NPAS2: variants seen among roughly 807,000 people sequenced by gnomAD.
The protein encoded by NPAS2 is neuronal PAS domain protein 2.
In NPAS2, 23 loss-of-function variants were observed where a neutral mutation model predicts 107.5. The observed-to-expected ratio is 0.21, with a 90% confidence interval of 0.15 to 0.30. The LOEUF (loss-of-function observed/expected upper bound fraction) is 0.30, where lower values mean the gene tolerates loss of function less well. Among genes scored for constraint, NPAS2 ranks in the 10% least tolerant of loss-of-function variants. NPAS2 has a pLI of 1.00. For synonymous variants in NPAS2, 403 were observed against 417.5 expected, an observed-to-expected ratio of 0.97 and a Z score of 0.42; for missense variants, 756 against 1,043.3, an observed-to-expected ratio of 0.72 and a Z score of 3.79.
chr2:100,960,040 C>A (rs79952714), intron 7 of NPAS2, among the ~76,000 whole-genome samples: 2 of 152,284 alleles, frequency 1.3e-5, no homozygotes, highest in East Asian at 3.9e-4. Flanking sequence ...TTCTCCTCAT[C>A]ATGGCTGATT....
chr2:100,865,028 C>T lies in NPAS2; in HGVS notation c.-22-39705C>T, dbSNP rs772753916. Among the ~76,000 whole-genome samples, 21 of 152,260 alleles carry T rather than the reference C, an allele frequency of 1.4e-4. No homozygotes were observed. In the South Asian group the frequency reaches 3.5e-3, roughly 26 times the overall value. On this transcript the variant is annotated intron_variant, in intron 1 of 20. Transcript: ENST00000335681. ...CCAGCTTCACAGAAGGCAAATATCACGTGCCAGTGTCCTCTGGGAAACTCC... is the reference window on the plus strand; with the variant it reads ...CCAGCTTCACAGAAGGCAAATATCATGTGCCAGTGTCCTCTGGGAAACTCC...
chr2:100,951,372 A>G (rs1329992132), intron 7 of NPAS2, among the ~76,000 whole-genome samples: 3 of 152,216 alleles, frequency 2.0e-5, no homozygotes, highest in Non-Finnish European at 4.4e-5. Flanking sequence ...AACTTGAGAG[A>G]TATTTGCACA....
intron 1 of NPAS2, among the ~76,000 whole-genome samples, chr2:100,886,852 G>A (rs565421004): frequency 1.8e-4 from 27 of 152,316 alleles, no homozygotes; most frequent in African/African-American, 6.3e-4. Flanking sequence ...TCTTAAAAAT[G>A]CCAAAGACAA....
intron 11 of NPAS2, 131 bp from the exon 12 acceptor site, chr2:100,970,859 C>T (rs540846516): frequency 5.9e-6 from 4 of 681,814 alleles, no homozygotes; most frequent in Admixed American, 5.2e-5. Flanking sequence ...AGGCTAGGCT[C>T]CTCTGTGTTG....
chr2:100,820,991 G>A lies in NPAS2; in HGVS notation c.-23+577G>A. The A allele has an allele frequency of 7.9e-7, 1 of 1,260,236 alleles. No homozygotes were observed. Among genetic ancestry groups the A allele is most frequent in the African/African-American group, 1.6e-5 (1 of 64,148 alleles). 78.1% of individuals were successfully genotyped at this position (1,260,236 alleles called of 1,614,324 possible). On this transcript the variant is annotated intron_variant, in intron 1 of 20. Transcript: ENST00000335681. This position sits in a 1 kb window ranked among gnomAD's most constrained non-coding sequence, Gnocchi z 5.6. ...CAGCCTGGCTCCTCACGTCGCTGCCGCCCCCCCACCCCAACTCCGGAGCTC... is the reference window on the plus strand; with the variant it reads ...CAGCCTGGCTCCTCACGTCGCTGCCACCCCCCCACCCCAACTCCGGAGCTC...
intron 20 of NPAS2, 23 bp downstream of exon 20, chr2:100,993,550 C>T: frequency 6.7e-7 from 1 of 1,492,106 alleles, no homozygotes; most frequent in Non-Finnish European, 9.0e-7. Context: ...GCCCAGGGGG[C>T]CCCCGTGCAG....
At position 100,945,731 on chromosome 2, in the gene NPAS2, C is replaced by A. The variant is rs1451263553; in HGVS notation, c.364-2504C>A. Among the ~76,000 whole-genome samples, 5 of 152,294 alleles carry A rather than the reference C, an allele frequency of 3.3e-5. No homozygotes were observed. The East Asian group carries it at 9.7e-4, about 29-fold the overall frequency. ...CCTTATGCCTCTGTGCATGCTGAGC[C>A]CCCTGGCTGGAGCACCTTCCCACCC... On this transcript the variant is annotated intron_variant, in intron 5 of 20. Transcript: ENST00000335681.
At chr2:100,924,065 T>C (rs1683408861) in intron 2 of NPAS2, among the ~76,000 whole-genome samples, 1 of 152,098 alleles carries the variant, frequency 6.6e-6, no homozygotes, top group Non-Finnish European at 1.5e-5. Flanking sequence ...GCACAGGGTG[T>C]CACTTATTTA....
intron 1 of NPAS2, among the ~76,000 whole-genome samples, chr2:100,852,823 C>T (rs10165773): frequency 1.2e-4 from 18 of 152,104 alleles, no homozygotes; most frequent in Non-Finnish European, 2.2e-4. Flanking sequence ...AGGCACCAGA[C>T]TCGGTAGGTT....
intron 2 of NPAS2, among the ~76,000 whole-genome samples, chr2:100,909,268 CAT>C (rs774505138): frequency 2.0e-5 from 3 of 152,148 alleles, no homozygotes; most frequent in Non-Finnish European, 4.4e-5. Flanking sequence ...GAGATGCATT[CAT>C]GAAAATAAGC....
intron 1 of NPAS2, among the ~76,000 whole-genome samples, chr2:100,903,221 T>G (rs1681902736): frequency 3.9e-5 from 6 of 152,178 alleles, no homozygotes; most frequent in Admixed American, 3.9e-4. Context: ...GCCACCATTC[T>G]CCTTGGAAGC....
chr2:100,912,570 C>A (rs1682626583), intron 2 of NPAS2, among the ~76,000 whole-genome samples: 1 of 152,186 alleles, frequency 6.6e-6, no homozygotes, highest in South Asian at 2.1e-4. Context: ...TGGTATCAGC[C>A]AGAGTAGCTC....
At chr2:100,838,636 G>A (rs561390642) in intron 1 of NPAS2, among the ~76,000 whole-genome samples, 18 of 152,222 alleles carry the variant, frequency 1.2e-4, no homozygotes, top group African/African-American at 3.9e-4. Context: ...GCAGGACACC[G>A]GGGTCAGAAG....
intron 7 of NPAS2, among the ~76,000 whole-genome samples, chr2:100,957,310 T>TC (rs1675627249): frequency 6.6e-6 from 1 of 152,168 alleles, no homozygotes; most frequent in Non-Finnish European, 1.5e-5. Flanking sequence ...CCTATTCTCT[T>TC]CCCCTGAAAA....
intron 1 of NPAS2, among the ~76,000 whole-genome samples, chr2:100,834,768 C>T (rs1007948489): frequency 1.2e-4 from 18 of 152,180 alleles, no homozygotes; most frequent in Middle Eastern, 6.8e-3. Flanking sequence ...GATATTGGCT[C>T]ATTGCAACTT....
At chr2:100,877,634 A>G (rs1215990870) in intron 1 of NPAS2, among the ~76,000 whole-genome samples, 1 of 152,060 alleles carries the variant, frequency 6.6e-6, no homozygotes. Flanking sequence ...ACTTGAGAGT[A>G]TCCTGTGAGT....
rs967766756 is a variant in NPAS2, at chr2:100,948,483, C to T, written c.484+128C>T. On this transcript the variant is annotated intron_variant, in intron 6 of 20. Coordinates refer to ENST00000335681, the MANE Select transcript of NPAS2 (RefSeq NM_002518.4). ...TTTTCCTCATGACTCAGAACATTTC[C>T]AAGATCCTTAGAGGTATATTTTAGG... 3.4e-6 allele frequency: 3 copies of T among 874,276 alleles called. No individual in the cohort carries two copies. The African/African-American group carries it at 5.2e-5, about 15-fold the overall frequency. The allele number at this position is 874,276 out of a possible 1,614,324, so 54.2% of individuals were successfully genotyped here.
chr2:100,974,307 G>T (rs910134895), intron 12 of NPAS2, among the ~76,000 whole-genome samples: 2 of 152,192 alleles, frequency 1.3e-5, no homozygotes, highest in Admixed American at 6.5e-5. Context: ...CGAAAGACAG[G>T]AGACCCCTTG....
In NPAS2 at chr2:100,982,602, C is replaced by G. The variant is rs938564536; in HGVS notation, c.1629+225C>G. ...CCTGATGTCCTCTTCCCTCGCCCCT[C>G]ACTCTGACAGGCACATCTGCTCACT... is the stretch of plus-strand genomic sequence containing the variant. On this transcript the variant is annotated intron_variant, in intron 16 of 20. Transcript: ENST00000335681. 1.9e-5 allele frequency: 11 copies of G among 583,370 alleles called. No individual in the cohort carries two copies. In the African/African-American group the frequency reaches 2.1e-4, roughly 11 times the overall value. 36.1% of individuals were successfully genotyped at this position (583,370 alleles called of 1,614,324 possible).
Sources: gnomAD v4.1 joint callset for allele counts (sites outside exome capture counted in the v4.1 genomes callset) on GRCh38, gnomAD v4.1.1 for gene constraint, Gnocchi (gnomAD v3.1) non-coding constraint, MANE v1.5 for transcripts, NCBI Gene and HGNC (gene_info 2026-07-23, HGNC 2026-07-21) for gene names.